Variants in HS3ST3B1 observed in about 807,000 individuals in gnomAD.
HS3ST3B1 encodes heparan sulfate glucosamine 3-O-sulfotransferase 3B1.
Under a neutral mutation model 21.3 loss-of-function variants are expected in HS3ST3B1, and 13 were observed. The observed-to-expected ratio is 0.61, with a 90% confidence interval of 0.40 to 0.97. HS3ST3B1 has a LOEUF of 0.97. HS3ST3B1 is among the 50% of genes least tolerant of loss of function. The pLI is 0.00. For missense variants in HS3ST3B1, 459 were observed against 554.8 expected (o/e 0.83, Z 1.73); for synonymous variants, 234 against 254.8 (o/e 0.92, Z 0.78).
intron 1 of HS3ST3B1, among the ~76,000 whole-genome samples, chr17:14,341,864 T>C (rs745634175): frequency 6.6e-6 from 1 of 152,204 alleles, no homozygotes; most frequent in Non-Finnish European, 1.5e-5. Context: ...TGCTTTTTAG[T>C]CAAATGCAAA....
chr17:14,312,275 T>C (rs1020637149), intron 1 of HS3ST3B1, among the ~76,000 whole-genome samples: 1 of 152,034 alleles, frequency 6.6e-6, no homozygotes, highest in African/African-American at 2.4e-5. Flanking sequence ...TATCTGTAGG[T>C]GGCTCTACCT....
rs770377382 is a variant in HS3ST3B1 at position 14,312,186 on chromosome 17, G to A, written c.554+10114G>A. 2.1e-4 allele frequency among the ~76,000 whole-genome samples: 32 copies of A among 152,054 alleles called. 2 individuals carry two copies. Among genetic ancestry groups the A allele is most frequent in the Admixed American group, 1.9e-3 (29 of 15,274 alleles). On this transcript the variant is annotated intron_variant, in intron 1 of 1. Transcript: ENST00000360954. Reference sequence around the variant, plus strand: ...CAGGCGCTTACTTAATCTTAACAGCGATGCTTCCTGTGTGATTTCCCTTAT... The same window carrying A: ...CAGGCGCTTACTTAATCTTAACAGCAATGCTTCCTGTGTGATTTCCCTTAT...
rs182674656 is a variant in HS3ST3B1 at position 14,335,969 on chromosome 17, A to G, written c.555-9059A>G. Among the ~76,000 whole-genome samples the G allele has an allele frequency of 4.6e-5, 7 of 152,354 alleles. No homozygotes were observed. The East Asian group carries it at 1.2e-3, about 25-fold the overall frequency. On this transcript the variant is annotated intron_variant, in intron 1 of 1. Coordinates refer to ENST00000360954, the MANE Select transcript of HS3ST3B1 (RefSeq NM_006041.3). ...CCAAGAATGATTTTTACTATATCTA[A>G]GTTAAACAGTAAGTTTAAAAAACGA...
At chr17:14,333,807 G>A (rs1197927010) in intron 1 of HS3ST3B1, among the ~76,000 whole-genome samples, 1 of 151,922 alleles carries the variant, frequency 6.6e-6, no homozygotes, top group African/African-American at 2.4e-5. Context: ...TTTTTTTTCT[G>A]AGACAGAGTC....
chr17:14,321,989 T>C (rs1437165497), intron 1 of HS3ST3B1, among the ~76,000 whole-genome samples: 1 of 150,484 alleles, frequency 6.6e-6, no homozygotes, highest in Non-Finnish European at 1.5e-5. Context: ...CATCATCTCT[T>C]TTATATATAT....
Position 14,329,415 on chromosome 17 carries a change from A to G in HS3ST3B1, c.555-15613A>G, listed in dbSNP as rs559662345. ...GGAGAGGAAGGAAGGAAAAGAGAGA[A>G]AGAGAGAGAGGAAGGAAGGAAGGAA... On this transcript the variant is annotated intron_variant, in intron 1 of 1. Coordinates refer to ENST00000360954, the MANE Select transcript of HS3ST3B1 (RefSeq NM_006041.3). 59 of 147,188 alleles carry G rather than the reference A, an allele frequency of 4.0e-4. 1 individual carries two copies. Among genetic ancestry groups the G allele is most frequent in the African/African-American group, 1.4e-3 (57 of 39,594 alleles). 9.1% of individuals were successfully genotyped at this position (147,188 alleles called of 1,614,324 possible).
In HS3ST3B1 at chr17:14,301,587, G is replaced by A; in HGVS notation, c.69G>A (p.Pro23=). The change falls in exon 1 of 2, where the codon CCG becomes CCA. Residue 23 remains proline, a synonymous_variant. Coordinates refer to ENST00000360954, the MANE Select transcript of HS3ST3B1 (RefSeq NM_006041.3). Reference sequence around the variant, plus strand: ...CCGGCCGGCTCCTACCGCAGCCGCCGCCGCCCCCGCCGCCGGTGAGGAGGA... The same window carrying A: ...CCGGCCGGCTCCTACCGCAGCCGCCACCGCCCCCGCCGCCGGTGAGGAGGA... The part of the protein sequence containing the change: ...DVPGRLLPQP[P]PPPPPVRRKL... 4 of 1,600,228 alleles carry A rather than the reference G, an allele frequency of 2.5e-6. No individual in the cohort carries two copies. Among genetic ancestry groups the A allele is most frequent in the South Asian group, 1.1e-5 (1 of 90,504 alleles).
At chr17:14,318,749 G>C (rs1374801096) in intron 1 of HS3ST3B1, among the ~76,000 whole-genome samples, 1 of 152,152 alleles carries the variant, frequency 6.6e-6, no homozygotes, top group Non-Finnish European at 1.5e-5. Flanking sequence ...CTTCCCATCT[G>C]TCTCCTCCAA....
In HS3ST3B1 at chr17:14,303,967, A is replaced by G. The variant is rs1287580795; in HGVS notation, c.554+1895A>G. 6.6e-6 allele frequency: 1 copy of G among 152,236 alleles called. No homozygotes were observed. Among genetic ancestry groups the G allele is most frequent in the Admixed American group, 6.5e-5 (1 of 15,278 alleles). 9.4% of individuals were successfully genotyped at this position (152,236 alleles called of 1,614,324 possible). A position where few individuals can be genotyped will look rare whatever the true frequency, so the allele number is the denominator to read the frequency against. On this transcript the variant is annotated intron_variant, in intron 1 of 1. Coordinates refer to ENST00000360954, the MANE Select transcript of HS3ST3B1 (RefSeq NM_006041.3). This position sits in a 1 kb window ranked among gnomAD's most constrained non-coding sequence, Gnocchi z 5.7. ...GGCAAGCTATGGAAATCCCCACAGGAAGGCTCACGCAGTCTCTTAGGCGGC... is the reference window on the plus strand; with the variant it reads ...GGCAAGCTATGGAAATCCCCACAGGGAGGCTCACGCAGTCTCTTAGGCGGC...
intron 1 of HS3ST3B1, among the ~76,000 whole-genome samples, chr17:14,305,795 C>A (rs1253896464): frequency 6.6e-6 from 1 of 152,106 alleles, no homozygotes; most frequent in Non-Finnish European, 1.5e-5. Flanking sequence ...CTAACACTTA[C>A]CGAATGTTTT....
At chr17:14,316,197 C>T (rs1909493182) in intron 1 of HS3ST3B1, among the ~76,000 whole-genome samples, 1 of 152,212 alleles carries the variant, frequency 6.6e-6, no homozygotes, top group African/African-American at 2.4e-5. Context: ...CCACACATCT[C>T]CCACTGTGAT....
chr17:14,305,250 A>G (rs934091245), intron 1 of HS3ST3B1: 5 of 152,270 alleles, frequency 3.3e-5, no homozygotes, highest in Non-Finnish European at 7.3e-5. Flanking sequence ...CCAGTTCATT[A>G]TGCAGCCCTC....
chr17:14,335,263 C>T (rs1221521267), intron 1 of HS3ST3B1, among the ~76,000 whole-genome samples: 1 of 152,126 alleles, frequency 6.6e-6, no homozygotes, highest in Admixed American at 6.5e-5. Context: ...TCTGGAGACT[C>T]CACTGCTGAG....
intron 1 of HS3ST3B1, among the ~76,000 whole-genome samples, chr17:14,335,354 A>G (rs918140155): frequency 6.6e-6 from 1 of 152,238 alleles, no homozygotes; most frequent in Non-Finnish European, 1.5e-5. Context: ...TCTTCAAAAA[A>G]ATAACTTGTC....
intron 1 of HS3ST3B1, among the ~76,000 whole-genome samples, chr17:14,306,376 C>CT (rs1909140349): frequency 6.6e-6 from 1 of 152,136 alleles, no homozygotes; most frequent in Non-Finnish European, 1.5e-5. Flanking sequence ...GCCATTTGTC[C>CT]TTTTTAAGGC....
intron 1 of HS3ST3B1, among the ~76,000 whole-genome samples, chr17:14,313,124 G>GTGTGTATATAGATATATATATATA (rs1567637231): frequency 7.8e-6 from 1 of 128,798 alleles, no homozygotes; most frequent in Non-Finnish European, 1.6e-5. Context: ...ATATATATAT[G>GTGTGTATATAGATATATATATATA]TGTGTGTGTG....
At chr17:14,310,019 A>G (rs1381356121) in intron 1 of HS3ST3B1, among the ~76,000 whole-genome samples, 1 of 152,208 alleles carries the variant, frequency 6.6e-6, no homozygotes. Context: ...AGAAATGGAT[A>G]ATCCTCTTTC....
intron 1 of HS3ST3B1, among the ~76,000 whole-genome samples, chr17:14,310,680 C>T (rs1909277969): frequency 6.6e-6 from 1 of 152,142 alleles, no homozygotes; most frequent in African/African-American, 2.4e-5. Context: ...CTTTTCCTAG[C>T]TAAGCAGCCT....
intron 1 of HS3ST3B1, among the ~76,000 whole-genome samples, chr17:14,314,490 C>T (rs181489872): frequency 1.2e-4 from 19 of 152,308 alleles, no homozygotes; most frequent in Admixed American, 3.9e-4. Flanking sequence ...ACTATCTCAC[C>T]TTCTACCACC....
Sources: gnomAD v4.1 joint callset for allele counts (sites outside exome capture counted in the v4.1 genomes callset) on GRCh38, gnomAD v4.1.1 for gene constraint, Gnocchi (gnomAD v3.1) non-coding constraint, MANE v1.5 for transcripts, NCBI Gene and HGNC (gene_info 2026-07-23, HGNC 2026-07-21) for gene names.